RIMS4: variants seen among roughly 807,000 people sequenced by gnomAD.
The protein encoded by RIMS4 is regulating synaptic membrane exocytosis 4.
Under a neutral mutation model 29.0 loss-of-function variants are expected in RIMS4, and 9 were observed. The observed-to-expected ratio is 0.31, with a 90% CI of 0.19 to 0.54. The LOEUF (loss-of-function observed/expected upper bound fraction) is 0.54, where lower values mean the gene tolerates loss of function less well. Among genes scored for constraint, RIMS4 ranks in the 20% least tolerant of loss-of-function variants. The probability of loss-of-function intolerance (pLI) is 0.94; values close to 1 mark genes in which losing one functional copy is unlikely to be tolerated. For synonymous variants in RIMS4, 130 were observed against 152.9 expected (o/e 0.85, Z 1.10); for missense variants, 193 against 365.7 (o/e 0.53, Z 3.85).
rs550168605 is a variant in RIMS4, at chr20:44,803,785, C to G, written c.97+6390G>C. Among the ~76,000 whole-genome samples the G allele has an allele frequency of 5.0e-4, 76 of 152,344 alleles. 1 individual carries two copies. The South Asian group carries it at 0.011, about 22-fold the overall frequency. ...GGAGAGGCAGGTGATGGCTTGGCCCCCAGGGCCAGGGCAGACAACTGGATT... is the reference window on the plus strand; with the variant it reads ...GGAGAGGCAGGTGATGGCTTGGCCCGCAGGGCCAGGGCAGACAACTGGATT... On this transcript the variant is annotated intron_variant, in intron 1 of 5. Coordinates refer to ENST00000372851, the MANE Select transcript of RIMS4 (RefSeq NM_182970.4).
Position 44,792,322 on chromosome 20 carries a change from C to T in RIMS4, c.97+17853G>A, listed in dbSNP as rs560379955. On this transcript the variant is annotated intron_variant, in intron 1 of 5. Transcript: ENST00000372851. ...TTTTTTTTTTTTTGAGACAGAGTTTCGCTCTTGTTGCCCAGGCTGGAGTAC... is the reference window on the plus strand; with the variant it reads ...TTTTTTTTTTTTTGAGACAGAGTTTTGCTCTTGTTGCCCAGGCTGGAGTAC... Among the ~76,000 whole-genome samples, 91 of 150,622 alleles carry T rather than the reference C, an allele frequency of 6.0e-4. 1 individual carries two copies. In the South Asian group the frequency reaches 0.018, roughly 31 times the overall value.
At chr20:44,786,520 G>GCAGCA in intron 1 of RIMS4, among the ~76,000 whole-genome samples, 1 of 152,290 alleles carries the variant, frequency 6.6e-6, no homozygotes, top group Admixed American at 6.5e-5. Context: ...TGCCGAGGAC[G>GCAGCA]CAGCATTGAA....
Position 44,757,652 on chromosome 20 carries a change from G to A in RIMS4, c.451+18C>T. 1 of 1,599,738 alleles carries A rather than the reference G, an allele frequency of 6.3e-7. No homozygotes were observed. Among genetic ancestry groups the A allele is most frequent in the Non-Finnish European group, 8.6e-7 (1 of 1,166,958 alleles). ...CTGACCTCCACCCCCACCTTGCAGGGGAAGGTAGGCCCCAGACCTGGCAGT... is the reference window on the plus strand; with the variant it reads ...CTGACCTCCACCCCCACCTTGCAGGAGAAGGTAGGCCCCAGACCTGGCAGT... On this transcript the variant is annotated intron_variant, in intron 4 of 5. Coordinates refer to ENST00000372851, the MANE Select transcript of RIMS4 (RefSeq NM_182970.4).
chr20:44,765,742 G>A (rs532408939), intron 2 of RIMS4, among the ~76,000 whole-genome samples: 1 of 152,232 alleles, frequency 6.6e-6, no homozygotes, highest in East Asian at 1.9e-4. Context: ...TGCTTCCCTG[G>A]GCTGTGGACA....
At chr20:44,771,566 C>CCT (rs2066137776) in intron 1 of RIMS4, 153 bp from the exon 2 acceptor site, 1 of 680,172 alleles carries the variant, frequency 1.5e-6, no homozygotes, top group African/African-American at 1.8e-5. Context: ...AGACTCCTGG[C>CCT]CTCACCAGTA....
chr20:44,768,099 A>C (rs2066121651), intron 2 of RIMS4, among the ~76,000 whole-genome samples: 1 of 152,056 alleles, frequency 6.6e-6, no homozygotes, highest in Non-Finnish European at 1.5e-5. Flanking sequence ...ACCCACAGGC[A>C]CCCCTTCCCC....
intron 2 of RIMS4, among the ~76,000 whole-genome samples, chr20:44,761,055 C>T (rs1168930498): frequency 2.0e-5 from 3 of 152,082 alleles, no homozygotes; most frequent in African/African-American, 7.2e-5. Context: ...TAAACTTCCC[C>T]AGGACACAGG....
intron 1 of RIMS4, among the ~76,000 whole-genome samples, chr20:44,775,973 T>C (rs1292301675): frequency 6.6e-6 from 1 of 152,230 alleles, no homozygotes; most frequent in Admixed American, 6.5e-5. Context: ...GCTTCAGTCA[T>C]GCCACCATCT....
chr20:44,764,737 T>C (rs756592632), intron 2 of RIMS4, among the ~76,000 whole-genome samples: 4 of 152,196 alleles, frequency 2.6e-5, no homozygotes, highest in African/African-American at 7.2e-5. Flanking sequence ...GTGGATGAAA[T>C]TGCACCTGAA....
At chr20:44,773,029 C>CAT (rs10667432) in intron 1 of RIMS4, among the ~76,000 whole-genome samples, 71,939 of 151,788 alleles carry the variant, frequency 0.47, 18,754 homozygotes, top group African/African-American at 0.69. Flanking sequence ...CTGTCTCCCA[C>CAT]GTGTCTTTGT....
rs549561190 is a variant in RIMS4 at position 44,809,626 on chromosome 20, A to C, written c.97+549T>G. 5.9e-5 allele frequency among the ~76,000 whole-genome samples: 9 copies of C among 152,320 alleles called. No individual in the cohort carries two copies. In the East Asian group the frequency reaches 1.7e-3, roughly 29 times the overall value. On this transcript the variant is annotated intron_variant, in intron 1 of 5. Coordinates refer to ENST00000372851, the MANE Select transcript of RIMS4 (RefSeq NM_182970.4). Reference sequence around the variant, plus strand: ...CGTCTGCCCCAGGCGTATAAGAAGCAGGAGTCTGGAGCCCCAGCCCATGAG... The same window carrying C: ...CGTCTGCCCCAGGCGTATAAGAAGCCGGAGTCTGGAGCCCCAGCCCATGAG...
At position 44,754,480 on chromosome 20, in the gene RIMS4, G is replaced by A. The variant is rs2066049522; in HGVS notation, c.*1654C>T. The A allele has an allele frequency of 6.4e-6, 1 of 156,176 alleles. No homozygotes were observed. Among genetic ancestry groups the A allele is most frequent in the Non-Finnish European group, 1.4e-5 (1 of 69,580 alleles). The allele number at this position is 156,176 out of a possible 1,614,324, so 9.7% of individuals were successfully genotyped here. On this transcript the variant is annotated 3_prime_UTR_variant, in exon 6 of 6. Coordinates refer to ENST00000372851, the MANE Select transcript of RIMS4 (RefSeq NM_182970.4). ...GGAGAAAACAACACCCTCTAATGGA[G>A]ACCAGGCCCCCTCTGCCAAGGTCCT...
intron 1 of RIMS4, among the ~76,000 whole-genome samples, chr20:44,779,645 G>A (rs947494964): frequency 1.3e-5 from 2 of 152,052 alleles, no homozygotes; most frequent in Non-Finnish European, 2.9e-5. Context: ...CTATTCTATT[G>A]CTGATGAGCA....
At chr20:44,788,038 C>G (rs1222390543) in intron 1 of RIMS4, among the ~76,000 whole-genome samples, 1 of 152,242 alleles carries the variant, frequency 6.6e-6, no homozygotes, top group Non-Finnish European at 1.5e-5. Context: ...CTTGCCCAGG[C>G]TCACAGAGGT....
chr20:44,780,347 C>G (rs2066178787), intron 1 of RIMS4, among the ~76,000 whole-genome samples: 1 of 152,234 alleles, frequency 6.6e-6, no homozygotes, highest in Non-Finnish European at 1.5e-5. Flanking sequence ...TGTGCAGGAA[C>G]TGTCCGTGGT....
At chr20:44,758,263 A>C in intron 2 of RIMS4, 79 bp from the exon 3 acceptor site, 2 of 926,000 alleles carry the variant, frequency 2.2e-6, no homozygotes, top group Non-Finnish European at 3.3e-6. Context: ...GTCAACCTCC[A>C]TGCAATGGAT....
intron 1 of RIMS4, among the ~76,000 whole-genome samples, chr20:44,807,532 C>G (rs2066303942): frequency 6.6e-6 from 1 of 152,166 alleles, no homozygotes. Context: ...GGACACACTT[C>G]TGAGACGGAG....
intron 1 of RIMS4, among the ~76,000 whole-genome samples, chr20:44,785,360 AC>A (rs1480372848): frequency 6.6e-6 from 1 of 151,520 alleles, no homozygotes; most frequent in Non-Finnish European, 1.5e-5. Context: ...GGTACTACAC[AC>A]CACCAAGCCT....
chr20:44,795,958 G>T (rs2066253036), intron 1 of RIMS4, among the ~76,000 whole-genome samples: 1 of 152,212 alleles, frequency 6.6e-6, no homozygotes, highest in Admixed American at 6.5e-5. Context: ...CTGTCATGCA[G>T]AAGCAATTAT....
Sources: allele counts gnomAD v4.1 joint callset (sites outside exome capture counted in the v4.1 genomes callset), GRCh38; gene constraint gnomAD v4.1.1; transcripts MANE v1.5; gene names NCBI Gene and HGNC (gene_info 2026-07-23, HGNC 2026-07-21).